EVPL: variants seen among roughly 807,000 people sequenced by gnomAD.
EVPL encodes the protein 210 kDa cornified envelope precursor protein.
In EVPL, 94 loss-of-function variants were observed where a neutral mutation model predicts 129.7. The ratio of observed to expected loss-of-function variants is 0.72; its 90% CI spans 0.61 to 0.86. The LOEUF is 0.86. EVPL is among the 40% of genes least tolerant of loss of function. EVPL has a pLI of 0.00. For synonymous variants in EVPL, 1,172 were observed against 1,191.1 expected, an observed-to-expected ratio of 0.98 and a Z score of 0.33; for missense variants, 2,625 against 2,721.1, an observed-to-expected ratio of 0.96 and a Z score of 0.79.
In EVPL at chr17:76,008,231, C is replaced by T. The variant is rs777236664; in HGVS notation, c.4974G>A (p.Thr1658=). The change falls in exon 22 of 22, where the codon ACG becomes ACA. Residue 1658 remains threonine (T), a synonymous_variant. Transcript: ENST00000301607. This position sits in a 1 kb window ranked among gnomAD's most constrained non-coding sequence, Gnocchi z 7.4. ...EKDQIYEKER[T]LRDLHAKVSR... ...TCACCTTGGCGTGGAGGTCCCGGAG[C>T]GTCCGCTCCTTCTCGTAGATCTGGT... 2.4e-5 allele frequency: 39 copies of T among 1,613,780 alleles called. No individual in the cohort carries two copies. Among genetic ancestry groups the T allele is most frequent in the South Asian group, 3.3e-5 (3 of 91,086 alleles).
chr17:76,012,211 GGAGGGA>G, intron 18 of EVPL, 122 bp from the exon 19 acceptor site: 3 of 684,906 alleles, frequency 4.4e-6, no homozygotes, highest in Non-Finnish European at 7.4e-6. Flanking sequence ...GAAAGGGCAG[GGAGGGA>G]GACCTGGGCC....
chr17:76,009,762 A>T lies in EVPL; in HGVS notation c.3443T>A (p.Leu1148His). The change falls in exon 22 of 22, where the codon CTC (leucine) becomes CAC (histidine). Residue 1148 changes from leucine to histidine, a missense_variant. Transcript: ENST00000301607. The surrounding 1 kb of genome is among the most constrained non-coding windows in gnomAD (Gnocchi z 5.9). ...CCTCAGCCTGGAGGACTCCTGGAGG[A>T]GCCCTGGGTCCTGCTCCACCTTCTT... is the stretch of plus-strand genomic sequence containing the variant. ...EVKKVEQDPG[L>H]LQESSRLRSL... The T allele has an allele frequency of 1.2e-6, 2 of 1,613,372 alleles. No individual in the cohort carries two copies. Among genetic ancestry groups the T allele is most frequent in the South Asian group, 1.1e-5 (1 of 91,042 alleles).
At position 76,008,360 on chromosome 17, in the gene EVPL, C is replaced by A. The variant is rs1022516170; in HGVS notation, c.4845G>T (p.Glu1615Asp). ...TCTTCTGGCTGAGCAGCTTCGACTC[C>A]TCCTGCAGCTGCAGTGTCTGCTGCT... ...QKQQQTLQLQEESKLLSQKTE... is the reference protein window; with the variant it reads ...QKQQQTLQLQDESKLLSQKTE... The change falls in exon 22 of 22, where the codon GAG becomes GAT. Residue 1615 changes from glutamate to aspartate, a missense_variant. Coordinates refer to ENST00000301607, the MANE Select transcript of EVPL (RefSeq NM_001988.4). This position sits in a 1 kb window ranked among gnomAD's most constrained non-coding sequence, Gnocchi z 7.4. 6.2e-6 allele frequency: 10 copies of A among 1,602,452 alleles called. No homozygotes were observed. Among genetic ancestry groups the A allele is most frequent in the Non-Finnish European group, 7.6e-6 (9 of 1,179,344 alleles).
rs2066393752 is a variant in EVPL at position 76,013,418 on chromosome 17, G to A, written c.2373+1008C>T. ...CCCCAGTTCCCTCCCATATGCCTAC[G>A]TCCACCTCCCCGCTGCCCTCGGCTG... On this transcript the variant is annotated intron_variant, in intron 18 of 21. Coordinates refer to ENST00000301607, the MANE Select transcript of EVPL (RefSeq NM_001988.4). The surrounding 1 kb of genome is among the most constrained non-coding windows in gnomAD (Gnocchi z 4.3). Among the ~76,000 whole-genome samples the A allele has an allele frequency of 6.6e-6, 1 of 151,988 alleles. No homozygotes were observed. Among genetic ancestry groups the A allele is most frequent in the Non-Finnish European group, 1.5e-5 (1 of 67,994 alleles).
chr17:76,017,236 G>A (rs1227317207), intron 14 of EVPL, among the ~76,000 whole-genome samples: 1 of 152,152 alleles, frequency 6.6e-6, no homozygotes, highest in Non-Finnish European at 1.5e-5. Context: ...AAACTGGTTT[G>A]GAAGGATAAC....
Position 76,010,281 on chromosome 17 carries a change from A to G in EVPL, c.2924T>C (p.Val975Ala). The G allele has an allele frequency of 1.9e-6, 3 of 1,613,670 alleles. No individual in the cohort carries two copies. Among genetic ancestry groups the G allele is most frequent in the Non-Finnish European group, 2.5e-6 (3 of 1,179,952 alleles). ...GCCCTCCTCCTCCACCTGGGCCTTC[A>G]CCCTGGACAGGCTGCCCTCCAGCTG... ...DPQLEGSLSR[V>A]KAQVEEEGKR... is the part of the protein sequence containing the mutation. Residue 975 changes from valine (V) to alanine (A), a missense_variant, in exon 22 of 22, where the codon GTG becomes GCG. By Grantham distance (64) the Val-to-Ala change is moderately conservative. This residue lies in a region of EVPL where 1,453 missense variants were observed against 1,511.8 expected (regional missense o/e 0.96). Coordinates refer to ENST00000301607, the MANE Select transcript of EVPL (RefSeq NM_001988.4).
chr17:76,009,752 CTCCT>C lies in EVPL; in HGVS notation c.3449_3452del (p.Gln1150ArgfsTer5). 1 of 1,613,828 alleles carries C rather than the reference CTCCT, an allele frequency of 6.2e-7. No homozygotes were observed. Among genetic ancestry groups the C allele is most frequent in the Non-Finnish European group, 8.5e-7 (1 of 1,180,020 alleles). On this transcript the variant is annotated frameshift_variant, in exon 22 of 22. Coordinates refer to ENST00000301607, the MANE Select transcript of EVPL (RefSeq NM_001988.4). LOFTEE classifies it low-confidence loss of function (END_TRUNC). This position sits in a 1 kb window ranked among gnomAD's most constrained non-coding sequence, Gnocchi z 5.9. ...CGAGGAGGCTCCTCAGCCTGGAGGA[CTCCT>C]GGAGGAGCCCTGGGTCCTGCTCCAC...
In EVPL at chr17:76,017,756, G is replaced by A. The variant is rs751892186; in HGVS notation, c.1693C>T (p.Arg565Cys). The A allele has an allele frequency of 1.1e-5, 17 of 1,612,346 alleles. No individual in the cohort carries two copies. Among genetic ancestry groups the A allele is most frequent in the South Asian group, 6.6e-5 (6 of 91,064 alleles). The change falls in exon 14 of 22, where the codon CGC becomes TGC. Residue 565 changes from arginine to cysteine, a missense_variant. This residue lies in a region of EVPL where 1,024 missense variants were observed against 997.5 expected (regional missense o/e 1.03). Coordinates refer to ENST00000301607, the MANE Select transcript of EVPL (RefSeq NM_001988.4). The stretch of plus-strand genomic sequence containing the variant: ...TCACCCACCTCATGGCTGTGGATGC[G>A]GCCCTCCAAGTCCTCCAAGGGTGTG... ...RPTPLEDLEG[R>C]IHSHEGTAQR...
At chr17:76,012,870 G>T (rs1020409883) in intron 18 of EVPL, among the ~76,000 whole-genome samples, 1 of 150,414 alleles carries the variant, frequency 6.6e-6, no homozygotes, top group Non-Finnish European at 1.5e-5. Context: ...TCAGCCTCTC[G>T]AGTAGCCGGG....
Position 76,023,375 on chromosome 17 carries a change from A to G in EVPL, c.397T>C (p.Tyr133His), listed in dbSNP as rs2066476555. Reference protein sequence around the residue: ...HERVTQECAEYRALYEKMVLP... With the variant: ...HERVTQECAEHRALYEKMVLP... ...ACCATCTTCTCGTACAGGGCACGGT[A>G]CTCCGCACACTCCTGGGTCACCCGC... Residue 133 changes from tyrosine to histidine, a missense_variant, in exon 4 of 22, where the codon TAC becomes CAC. Transcript: ENST00000301607. 1 of 1,613,614 alleles carries G rather than the reference A, an allele frequency of 6.2e-7. No homozygotes were observed. The highest frequency in any genetic ancestry group is 8.5e-7 in the Non-Finnish European group (1 of 1,179,942).
rs759488831 is a variant in EVPL at position 76,015,563 on chromosome 17, C to T, written c.1776G>A (p.Ala592=). Residue 592 remains alanine (A), a synonymous_variant, in exon 15 of 22, where the codon GCG becomes GCA. Coordinates refer to ENST00000301607, the MANE Select transcript of EVPL (RefSeq NM_001988.4). ...EKETAQKECE[A]FLSTRPVGPA... ...GGCCCACGGGCCGCGTGGACAGAAA[C>T]GCCTCGCACTCCTTCTGGGCTGTCT... The T allele has an allele frequency of 8.7e-6, 14 of 1,613,242 alleles. No homozygotes were observed. In the Admixed American group the frequency reaches 1.5e-4, roughly 17 times the overall value.
rs1297346307 is a variant in EVPL, at chr17:76,022,162, C to T, written c.645+27G>A. 1 of 1,610,786 alleles carries T rather than the reference C, an allele frequency of 6.2e-7. No individual in the cohort carries two copies. The highest frequency in any genetic ancestry group is 8.5e-7 in the Non-Finnish European group (1 of 1,179,124). The stretch of plus-strand genomic sequence containing the variant: ...GGCCACCCAGGCCCACCCGCAGCCT[C>T]CCTGCCCGACCCTCCCTCCTGCTCA... On this transcript the variant is annotated intron_variant, in intron 6 of 21. Transcript: ENST00000301607. This position sits in a 1 kb window ranked among gnomAD's most constrained non-coding sequence, Gnocchi z 5.6.
chr17:76,007,320 C>G lies in EVPL; in HGVS notation c.5885G>C (p.Gly1962Ala), dbSNP rs752788636. 1 of 1,561,250 alleles carries G rather than the reference C, an allele frequency of 6.4e-7. No individual in the cohort carries two copies. Among genetic ancestry groups the G allele is most frequent in the Non-Finnish European group, 8.7e-7 (1 of 1,150,278 alleles). ...RIPIQQALLS[G>A]MISEELAQLL... ...CTGGGCCAGCTCTTCACTGATCATC[C>G]CGGAGAGGAGGGCCTGCTGGATGGG... The change falls in exon 22 of 22, where the codon GGG (glycine) becomes GCG (alanine). Residue 1962 changes from glycine to alanine, a missense_variant. This residue lies in a region of EVPL where 1,453 missense variants were observed against 1,511.8 expected (regional missense o/e 0.96). Transcript: ENST00000301607. The surrounding 1 kb of genome is among the most constrained non-coding windows in gnomAD (Gnocchi z 8.8).
intron 10 of EVPL, among the ~76,000 whole-genome samples, chr17:76,019,270 A>G (rs1299920630): frequency 6.6e-6 from 1 of 152,124 alleles, no homozygotes; most frequent in African/African-American, 2.4e-5. Flanking sequence ...CACCCAGGCC[A>G]CCAAGCAGAA....
chr17:76,014,376 CCACTAGGGGGCCACA>C lies in EVPL; in HGVS notation c.2373+35_2373+49del, dbSNP rs1269975337. 38 of 1,571,406 alleles carry C rather than the reference CCACTAGGGGGCCACA, an allele frequency of 2.4e-5. No homozygotes were observed. The East Asian group carries it at 5.7e-4, about 23-fold the overall frequency. On this transcript the variant is annotated intron_variant, in intron 18 of 21. Coordinates refer to ENST00000301607, the MANE Select transcript of EVPL (RefSeq NM_001988.4). ...CCCTTAGAGCGCTTCTGAGCTTTGG[CCACTAGGGGGCCACA>C]TGGGCACAGGCAGCTGTCCCTGCCC...
At chr17:76,027,026 A>C (rs2665961) in intron 1 of EVPL, 75 bp downstream of exon 1, 1 of 879,638 alleles carries the variant, frequency 1.1e-6, no homozygotes, top group Non-Finnish European at 1.7e-6. Flanking sequence ...CGCCGCCGCC[A>C]GGTGGCTCAA....
rs1487776310 is a variant in EVPL at position 76,022,332 on chromosome 17, C to T, written c.606+81G>A. On this transcript the variant is annotated intron_variant, in intron 5 of 21. Transcript: ENST00000301607. This position sits in a 1 kb window ranked among gnomAD's most constrained non-coding sequence, Gnocchi z 5.6. ...ACCCCACCCACCCCTATCCCCAGGG[C>T]CCAGCCGATCTAGCTCCGGCTCTGA... 3.1e-6 allele frequency: 5 copies of T among 1,603,614 alleles called. No individual in the cohort carries two copies. The East Asian group carries it at 1.1e-4, about 36-fold the overall frequency.
Position 76,022,548 on chromosome 17 carries a change from AG to A in EVPL, c.481-11del. On this transcript the variant is annotated splice_polypyrimidine_tract_variant and intron_variant, in intron 4 of 21. Coordinates refer to ENST00000301607, the MANE Select transcript of EVPL (RefSeq NM_001988.4). This position sits in a 1 kb window ranked among gnomAD's most constrained non-coding sequence, Gnocchi z 5.6. Reference sequence around the variant, plus strand: ...CTGCGCAGACCTGCTTCTGCAGGAGAGCCGGCGGCTCAGTCCCCAAAGGACC... The same window carrying A: ...CTGCGCAGACCTGCTTCTGCAGGAGACCGGCGGCTCAGTCCCCAAAGGACC... 2 of 1,597,312 alleles carry A rather than the reference AG, an allele frequency of 1.3e-6. No individual in the cohort carries two copies. Among genetic ancestry groups the A allele is most frequent in the Non-Finnish European group, 1.7e-6 (2 of 1,173,014 alleles).
At position 76,008,722 on chromosome 17, in the gene EVPL, G is replaced by C. The variant is rs748770869; in HGVS notation, c.4483C>G (p.Leu1495Val). Residue 1495 changes from leucine to valine, a missense_variant, in exon 22 of 22, where the codon CTG (leucine) becomes GTG (valine). This residue lies in a region of EVPL where 1,453 missense variants were observed against 1,511.8 expected (regional missense o/e 0.96). Transcript: ENST00000301607. The surrounding 1 kb of genome is among the most constrained non-coding windows in gnomAD (Gnocchi z 7.4). Reference protein sequence around the residue: ...LDQEKTQVTELNRECKNLQVQ... With the variant: ...LDQEKTQVTEVNRECKNLQVQ... Reference sequence around the variant, plus strand: ...TGCAGGTTCTTGCACTCCCGATTCAGCTCGGTTACCTGGGTCTTCTCCTGG... The same window carrying C: ...TGCAGGTTCTTGCACTCCCGATTCACCTCGGTTACCTGGGTCTTCTCCTGG... 1 of 1,613,850 alleles carries C rather than the reference G, an allele frequency of 6.2e-7. No individual in the cohort carries two copies. Among genetic ancestry groups the C allele is most frequent in the East Asian group, 2.2e-5 (1 of 44,866 alleles).
Sources: allele counts gnomAD v4.1 joint callset (sites outside exome capture counted in the v4.1 genomes callset), GRCh38; gene constraint gnomAD v4.1.1; regional missense constraint gnomAD v4.1.1; non-coding constraint Gnocchi (gnomAD v3.1); transcripts MANE v1.5; gene names NCBI Gene and HGNC (gene_info 2026-07-23, HGNC 2026-07-21).